Variants in TMEM132D observed in about 807,000 individuals in gnomAD.
TMEM132D encodes transmembrane protein 132D.
In TMEM132D, 21 loss-of-function variants were observed where a neutral mutation model predicts 62.3. The ratio of observed to expected loss-of-function variants is 0.34; its 90% CI spans 0.24 to 0.49. The LOEUF is 0.49. TMEM132D is among the 20% of genes least tolerant of loss of function. TMEM132D has a pLI of 0.99. For synonymous variants in TMEM132D, 621 were observed against 575.6 expected, an observed-to-expected ratio of 1.08 and a Z score of -1.13; for missense variants, 1,346 against 1,402.8, an observed-to-expected ratio of 0.96 and a Z score of 0.65.
At chr12:129,484,120 C>T in intron 3 of TMEM132D, among the ~76,000 whole-genome samples, 1 of 152,108 alleles carries the variant, frequency 6.6e-6, no homozygotes, top group East Asian at 1.9e-4. Flanking sequence ...CAGGCGTGCA[C>T]CACCATACTT....
chr12:129,105,441 C>T (rs1875463417), intron 5 of TMEM132D, among the ~76,000 whole-genome samples: 1 of 138,030 alleles, frequency 7.2e-6, no homozygotes, highest in Non-Finnish European at 1.5e-5. Flanking sequence ...ATACCTAATG[C>T]TAGATGACGA....
At chr12:129,676,424 A>G (rs1015489267) in intron 2 of TMEM132D, among the ~76,000 whole-genome samples, 1 of 152,142 alleles carries the variant, frequency 6.6e-6, no homozygotes, top group Non-Finnish European at 1.5e-5. Context: ...ATAAAGGAAT[A>G]CCTGACACTG....
chr12:129,319,591 T>G (rs2135641989), intron 4 of TMEM132D, among the ~76,000 whole-genome samples: 1 of 152,264 alleles, frequency 6.6e-6, no homozygotes, highest in East Asian at 1.9e-4. Context: ...CAAGGAAGGA[T>G]GAGATCACCC....
At chr12:129,121,929 C>T (rs972302148) in intron 5 of TMEM132D, among the ~76,000 whole-genome samples, 2 of 152,148 alleles carry the variant, frequency 1.3e-5, no homozygotes, top group Non-Finnish European at 2.9e-5. Context: ...GAGCCTTTGG[C>T]TTTTGGCTTT....
intron 2 of TMEM132D, among the ~76,000 whole-genome samples, chr12:129,697,064 A>G (rs115817934): frequency 0.016 from 2,427 of 152,268 alleles, 81 homozygotes; most frequent in African/African-American, 0.054. Flanking sequence ...CATGCCCCTG[A>G]GTGCCCCTGA....
At chr12:129,520,690 A>G in intron 3 of TMEM132D, among the ~76,000 whole-genome samples, 1 of 152,230 alleles carries the variant, frequency 6.6e-6, no homozygotes, top group East Asian at 1.9e-4. Context: ...CAGGTAAAAG[A>G]ATGATCAAGG....
intron 2 of TMEM132D, among the ~76,000 whole-genome samples, chr12:129,597,717 A>G (rs1878374902): frequency 6.6e-6 from 1 of 152,260 alleles, no homozygotes. Flanking sequence ...CGTTTCAACC[A>G]TAACATAGCA....
At chr12:129,558,289 C>T (rs776483469) in intron 2 of TMEM132D, among the ~76,000 whole-genome samples, 1 of 152,166 alleles carries the variant, frequency 6.6e-6, no homozygotes, top group South Asian at 2.1e-4. Context: ...TGACACACAT[C>T]GTTTGGGCCA....
At chr12:129,627,134 C>G (rs265619) in intron 2 of TMEM132D, among the ~76,000 whole-genome samples, 56,427 of 151,940 alleles carry the variant, frequency 0.37, 10,644 homozygotes, top group Admixed American at 0.43. Flanking sequence ...ACCATCTTTA[C>G]ACATGACGAG....
intron 3 of TMEM132D, among the ~76,000 whole-genome samples, chr12:129,483,884 T>C (rs975129263): frequency 3.9e-5 from 6 of 152,374 alleles, no homozygotes; most frequent in African/African-American, 9.6e-5. Flanking sequence ...GATTTTGCTC[T>C]AATTTAGTTT....
At chr12:129,519,446 C>T (rs1267093354) in intron 3 of TMEM132D, among the ~76,000 whole-genome samples, 1 of 152,176 alleles carries the variant, frequency 6.6e-6, no homozygotes, top group Admixed American at 6.5e-5. Context: ...AATACCTTAT[C>T]ACAATTTAGA....
At chr12:129,502,346 GTTGAATA>G (rs1875177263) in intron 3 of TMEM132D, among the ~76,000 whole-genome samples, 1 of 152,136 alleles carries the variant, frequency 6.6e-6, no homozygotes, top group Non-Finnish European at 1.5e-5. Flanking sequence ...TACCATCAAG[GTTGAATA>G]TCAATCATCA....
At chr12:129,824,803 A>G (rs545494681) in intron 1 of TMEM132D, among the ~76,000 whole-genome samples, 9 of 152,254 alleles carry the variant, frequency 5.9e-5, no homozygotes, top group African/African-American at 2.2e-4. Context: ...CAGATTAGCC[A>G]TTTGAAGGTC....
intron 6 of TMEM132D, among the ~76,000 whole-genome samples, chr12:129,084,074 C>A (rs1272787621): frequency 1.3e-5 from 2 of 152,156 alleles, no homozygotes; most frequent in Non-Finnish European, 2.9e-5. Context: ...TCAATTTTCC[C>A]TTCTCCTAGA....
At chr12:129,792,334 C>A (rs892761664) in intron 1 of TMEM132D, among the ~76,000 whole-genome samples, 20 of 152,130 alleles carry the variant, frequency 1.3e-4, no homozygotes, top group Non-Finnish European at 2.9e-4. Context: ...TATTTCATCT[C>A]TACGGGCCTT....
At chr12:129,820,648 C>T (rs940762446) in intron 1 of TMEM132D, among the ~76,000 whole-genome samples, 26 of 152,198 alleles carry the variant, frequency 1.7e-4, no homozygotes, top group Non-Finnish European at 1.8e-4. Flanking sequence ...ATGGGATGAA[C>T]GGTTCCATCA....
At chr12:129,801,651 G>A (rs1237170870) in intron 1 of TMEM132D, among the ~76,000 whole-genome samples, 413 of 151,970 alleles carry the variant, frequency 2.7e-3, no homozygotes, top group African/African-American at 9.2e-3. Context: ...CCAAAGGAAC[G>A]CAGTTCCTCA....
At chr12:129,546,156 C>T (rs1876725813) in intron 2 of TMEM132D, among the ~76,000 whole-genome samples, 1 of 152,198 alleles carries the variant, frequency 6.6e-6, no homozygotes, top group South Asian at 2.1e-4. Context: ...ACTGGCCTGA[C>T]TGTCCCCTGT....
chr12:129,474,195 C>T (rs532649050), intron 3 of TMEM132D, among the ~76,000 whole-genome samples: 10 of 152,252 alleles, frequency 6.6e-5, no homozygotes, highest in African/African-American at 1.9e-4. Context: ...ACAGGGGACT[C>T]GGGAACAGGA....
Sources: allele counts gnomAD v4.1 joint callset (sites outside exome capture counted in the v4.1 genomes callset), GRCh38; gene constraint gnomAD v4.1.1; transcripts MANE v1.5; gene names NCBI Gene and HGNC (gene_info 2026-07-23, HGNC 2026-07-21).